Variants in ATP2A2 observed in about 807,000 individuals in gnomAD.
ATP2A2 encodes the protein ATPase sarcoplasmic/endoplasmic reticulum Ca2+ transporting 2.
A neutral mutation model predicts 109.3 loss-of-function variants in ATP2A2; 14 were observed. The observed-to-expected ratio is 0.13, with a 90% confidence interval of 0.08 to 0.20. The LOEUF is 0.20. ATP2A2 is among the 10% of genes least tolerant of loss of function. The pLI is 1.00. For synonymous variants in ATP2A2, 506 were observed against 490.9 expected (o/e 1.03, Z -0.41); for missense variants, 657 against 1,321.6 (o/e 0.50, Z 7.80).
chr12:110,332,328 G>T, intron 8 of ATP2A2: 2 of 454,548 alleles, frequency 4.4e-6, no homozygotes, highest in Non-Finnish European at 8.1e-6. Context: ...TGCCACTGCT[G>T]CTCATTCATT....
chr12:110,298,766 A>G (rs897046256), intron 5 of ATP2A2, among the ~76,000 whole-genome samples: 1 of 152,162 alleles, frequency 6.6e-6, no homozygotes, highest in South Asian at 2.1e-4. Flanking sequence ...ACTATCACAG[A>G]TGTATTATTT....
At chr12:110,283,724 T>C (rs754317680) in intron 3 of ATP2A2, among the ~76,000 whole-genome samples, 2 of 152,180 alleles carry the variant, frequency 1.3e-5, no homozygotes, top group Non-Finnish European at 2.9e-5. Context: ...CCACGATAAG[T>C]GAAATTCACC....
At chr12:110,288,172 A>C (rs1872861818) in intron 3 of ATP2A2, among the ~76,000 whole-genome samples, 1 of 137,630 alleles carries the variant, frequency 7.3e-6, no homozygotes, top group African/African-American at 2.8e-5. Context: ...TAGTAGTGGC[A>C]CGATCATAGC....
At chr12:110,301,581 C>T (rs1874649123) in intron 5 of ATP2A2, among the ~76,000 whole-genome samples, 4 of 152,218 alleles carry the variant, frequency 2.6e-5, no homozygotes, top group Admixed American at 2.0e-4. Flanking sequence ...CATCATCTCA[C>T]ACCGCAGCTG....
rs1181520668 is a variant in ATP2A2 at position 110,346,708 on chromosome 12, AT to A, written c.*245del. 2.9e-6 allele frequency: 4 copies of A among 1,380,340 alleles called. No homozygotes were observed. The highest frequency in any genetic ancestry group is 2.8e-6 in the Non-Finnish European group (3 of 1,068,190). 85.5% of individuals were successfully genotyped at this position (1,380,340 alleles called of 1,614,324 possible). A position where few individuals can be genotyped will look rare whatever the true frequency, so the allele number is the denominator to read the frequency against. On this transcript the variant is annotated 3_prime_UTR_variant, in exon 20 of 20. Transcript: ENST00000539276. ...AGAACTAACACTATTTTATGCAAAT[AT>A]TTTTTTGTAGATGAAAAAGCATGTA...
chr12:110,293,148 G>T (rs1248856187), intron 4 of ATP2A2, among the ~76,000 whole-genome samples: 1 of 152,048 alleles, frequency 6.6e-6, no homozygotes, highest in Non-Finnish European at 1.5e-5. Context: ...CACGATCTCG[G>T]CTCACTGCAA....
chr12:110,341,660 G>A (rs1033123999), intron 14 of ATP2A2, among the ~76,000 whole-genome samples: 3 of 152,068 alleles, frequency 2.0e-5, no homozygotes, highest in African/African-American at 7.2e-5. Flanking sequence ...ATCACTTGGG[G>A]TCAGGAGTTC....
rs1407485152 is a variant in ATP2A2, at chr12:110,307,309, G to C, written c.463+10572G>C. 3.6e-5 allele frequency among the ~76,000 whole-genome samples: 5 copies of C among 137,632 alleles called. No homozygotes were observed. The South Asian group carries it at 1.3e-3, about 35-fold the overall frequency. The allele number at this position is 137,632 out of a possible 152,430, so 90.3% of individuals were successfully genotyped here. A position where few individuals can be genotyped will look rare whatever the true frequency, so the allele number is the denominator to read the frequency against. ...CACAGTGGCATGATTATAGCTCATT[G>C]AGCCATGGCTTTCCAGGCTCTAGTG... On this transcript the variant is annotated intron_variant, in intron 5 of 19. Transcript: ENST00000539276.
Position 110,327,495 on chromosome 12 carries a change from G to T in ATP2A2, c.631-58G>T. ...GGTGCCCTAGTCAAAAACCAGCGTCGGTATTTAAGTTGGGATGTGGTATTC... is the reference window on the plus strand; with the variant it reads ...GGTGCCCTAGTCAAAAACCAGCGTCTGTATTTAAGTTGGGATGTGGTATTC... On this transcript the variant is annotated intron_variant, in intron 7 of 19. Coordinates refer to ENST00000539276, the MANE Select transcript of ATP2A2 (RefSeq NM_170665.4). The surrounding 1 kb of genome is among the most constrained non-coding windows in gnomAD (Gnocchi z 4.4). 1 of 1,521,426 alleles carries T rather than the reference G, an allele frequency of 6.6e-7. No individual in the cohort carries two copies. The highest frequency in any genetic ancestry group is 9.1e-7 in the Non-Finnish European group (1 of 1,095,700). The allele number at this position is 1,521,426 out of a possible 1,614,324, so 94.2% of individuals were successfully genotyped here.
At chr12:110,297,154 G>A (rs1387237357) in intron 5 of ATP2A2, among the ~76,000 whole-genome samples, 1 of 152,066 alleles carries the variant, frequency 6.6e-6, no homozygotes, top group East Asian at 1.9e-4. Context: ...TGAAAGCTAT[G>A]CTTGGCCAGG....
intron 5 of ATP2A2, among the ~76,000 whole-genome samples, chr12:110,307,533 A>C (rs960837730): frequency 1.3e-5 from 2 of 152,232 alleles, no homozygotes; most frequent in South Asian, 4.1e-4. Flanking sequence ...CGTGCCCAGC[A>C]ATAATAGTCA....
In ATP2A2 at chr12:110,327,417, G is replaced by A; in HGVS notation, c.631-136G>A. On this transcript the variant is annotated intron_variant, in intron 7 of 19. Transcript: ENST00000539276. This position sits in a 1 kb window ranked among gnomAD's most constrained non-coding sequence, Gnocchi z 4.4. ...TGCTTGTTGTCACAGTTGTATGGCTGGTTGCTTGAACAGTAGCCAGTGGAA... is the reference window on the plus strand; with the variant it reads ...TGCTTGTTGTCACAGTTGTATGGCTAGTTGCTTGAACAGTAGCCAGTGGAA... 1 of 825,774 alleles carries A rather than the reference G, an allele frequency of 1.2e-6. No individual in the cohort carries two copies. The highest frequency in any genetic ancestry group is 3.4e-4 in the Middle Eastern group (1 of 2,914). 51.2% of individuals were successfully genotyped at this position (825,774 alleles called of 1,614,324 possible). A position where few individuals can be genotyped will look rare whatever the true frequency, so the allele number is the denominator to read the frequency against.
At chr12:110,308,791 T>A (rs894327678) in intron 5 of ATP2A2, among the ~76,000 whole-genome samples, 11 of 152,192 alleles carry the variant, frequency 7.2e-5, no homozygotes, top group Non-Finnish European at 1.5e-4. Context: ...CCTGAAAGAT[T>A]AAATGGCATA....
chr12:110,282,056 G>T, intron 1 of ATP2A2, 149 bp downstream of exon 1: 1 of 556,808 alleles, frequency 1.8e-6, no homozygotes, highest in Non-Finnish European at 3.0e-6. Context: ...CCCCGCGGGA[G>T]AGAAAGGGGC....
At chr12:110,286,294 G>A (rs1453834130) in intron 3 of ATP2A2, among the ~76,000 whole-genome samples, 1 of 152,106 alleles carries the variant, frequency 6.6e-6, no homozygotes, top group African/African-American at 2.4e-5. Flanking sequence ...AAATACATGA[G>A]ATCTTTTTAC....
intron 5 of ATP2A2, among the ~76,000 whole-genome samples, chr12:110,301,796 T>C (rs1006052905): frequency 9.2e-5 from 14 of 152,236 alleles, no homozygotes; most frequent in African/African-American, 3.4e-4. Context: ...TGCTTTCTTC[T>C]ATGATTTCAT....
chr12:110,291,351 A>C (rs1424804316), intron 3 of ATP2A2, among the ~76,000 whole-genome samples: 1 of 150,906 alleles, frequency 6.6e-6, no homozygotes, highest in East Asian at 2.0e-4. Context: ...TTACTGACAC[A>C]CATCACCATG....
rs796817073 is a variant in ATP2A2 at position 110,305,871 on chromosome 12, GT to G, written c.463+9144del. 8.6e-3 allele frequency among the ~76,000 whole-genome samples: 1,202 copies of G among 139,166 alleles called. 1 individual carries two copies. Among genetic ancestry groups the G allele is most frequent in the Non-Finnish European group, 0.01 (642 of 63,512 alleles). The allele number at this position is 139,166 out of a possible 152,430, so 91.3% of individuals were successfully genotyped here. A position where few individuals can be genotyped will look rare whatever the true frequency, so the allele number is the denominator to read the frequency against. ...TGGATCCATGAGCATAGGGATGTCTGTTTTTTTTTTGTTTTTTTTTTTTAAG... is the reference window on the plus strand; with the variant it reads ...TGGATCCATGAGCATAGGGATGTCTGTTTTTTTTTGTTTTTTTTTTTTAAG... On this transcript the variant is annotated intron_variant, in intron 5 of 19. Transcript: ENST00000539276.
intron 5 of ATP2A2, among the ~76,000 whole-genome samples, chr12:110,305,881 TG>T (rs369630516): frequency 4.0e-5 from 6 of 149,788 alleles, no homozygotes; most frequent in African/African-American, 9.7e-5. Flanking sequence ...GTTTTTTTTT[TG>T]TTTTTTTTTT....
Sources: gnomAD v4.1 joint callset for allele counts (sites outside exome capture counted in the v4.1 genomes callset) on GRCh38, gnomAD v4.1.1 for gene constraint, Gnocchi (gnomAD v3.1) non-coding constraint, MANE v1.5 for transcripts, NCBI Gene and HGNC (gene_info 2026-07-23, HGNC 2026-07-21) for gene names.